GPC6: variants seen among roughly 807,000 people sequenced by gnomAD.
GPC6 encodes glypican 6.
Under a neutral mutation model 55.2 loss-of-function variants are expected in GPC6, and 14 were observed. The observed-to-expected ratio is 0.25, with a 90% CI of 0.17 to 0.40. GPC6 has a LOEUF of 0.40. Ranked by LOEUF, GPC6 falls within the 10% of genes least tolerant of loss-of-function variation. The pLI is 1.00. For synonymous variants in GPC6, 278 were observed against 259.6 expected, an observed-to-expected ratio of 1.07 and a Z score of -0.68; for missense variants, 641 against 708.5, an observed-to-expected ratio of 0.90 and a Z score of 1.08.
intron 1 of GPC6, among the ~76,000 whole-genome samples, chr13:93,396,170 T>TA (rs2139225148): frequency 6.6e-6 from 1 of 152,312 alleles, no homozygotes; most frequent in African/African-American, 2.4e-5. Context: ...TTTTTAGTAA[T>TA]AAAACATGTG....
At chr13:93,591,414 A>C (rs1000788097) in intron 2 of GPC6, among the ~76,000 whole-genome samples, 1 of 150,472 alleles carries the variant, frequency 6.6e-6, no homozygotes. Flanking sequence ...CAGTGAATCG[A>C]GATCGCGCCA....
chr13:93,945,271 A>C (rs145536890), intron 3 of GPC6, among the ~76,000 whole-genome samples: 1 of 152,236 alleles, frequency 6.6e-6, no homozygotes, highest in Non-Finnish European at 1.5e-5. Flanking sequence ...AATATAGTCA[A>C]TTGATTGTCA....
At chr13:93,504,781 T>C (rs1427775957) in intron 1 of GPC6, among the ~76,000 whole-genome samples, 2 of 152,160 alleles carry the variant, frequency 1.3e-5, no homozygotes, top group African/African-American at 4.8e-5. Context: ...TCCTACTATC[T>C]GCCATTCACA....
At chr13:93,898,940 A>AATATATATATATATATATATATATATAT (rs66531953) in intron 3 of GPC6, among the ~76,000 whole-genome samples, 4 of 136,656 alleles carry the variant, frequency 2.9e-5, no homozygotes, top group African/African-American at 8.1e-5. Context: ...ATTATATATA[A>AATATATATATATATATATATATATATAT]ATATATATAT....
intron 2 of GPC6, among the ~76,000 whole-genome samples, chr13:93,551,030 C>T (rs1438331455): frequency 3.3e-5 from 5 of 152,094 alleles, no homozygotes; most frequent in African/African-American, 1.2e-4. Flanking sequence ...GGAAAGTTTT[C>T]TATGTAGTGG....
At chr13:93,419,904 T>G (rs1310918751) in intron 1 of GPC6, among the ~76,000 whole-genome samples, 6 of 152,144 alleles carry the variant, frequency 3.9e-5, no homozygotes, top group Non-Finnish European at 7.3e-5. Context: ...TCTATTATAT[T>G]GGGAGGGAAA....
At chr13:93,357,870 C>G (rs777361616) in intron 1 of GPC6, among the ~76,000 whole-genome samples, 12 of 152,054 alleles carry the variant, frequency 7.9e-5, no homozygotes, top group Non-Finnish European at 1.8e-4. Flanking sequence ...TCTGGTTACA[C>G]TAGAATATGG....
intron 2 of GPC6, among the ~76,000 whole-genome samples, chr13:93,699,061 T>A (rs1045010073): frequency 6.6e-6 from 1 of 152,066 alleles, no homozygotes; most frequent in African/African-American, 2.4e-5. Flanking sequence ...CCATGAGAAT[T>A]GACTGTTCAG....
chr13:94,133,209 G>A (rs573737180), intron 4 of GPC6, among the ~76,000 whole-genome samples: 7 of 137,876 alleles, frequency 5.1e-5, no homozygotes, highest in South Asian at 4.6e-4. Context: ...ACTCTGTCTC[G>A]ATTCCCATGT....
intron 3 of GPC6, among the ~76,000 whole-genome samples, chr13:93,847,485 A>G (rs76856823): frequency 1.3e-5 from 2 of 152,124 alleles, no homozygotes; most frequent in African/African-American, 4.8e-5. Flanking sequence ...TGGGTAAAGA[A>G]GGTTCTTTTC....
At chr13:93,511,289 C>T (rs943668558) in intron 1 of GPC6, among the ~76,000 whole-genome samples, 1 of 151,266 alleles carries the variant, frequency 6.6e-6, no homozygotes, top group Non-Finnish European at 1.5e-5. Context: ...GAGGGGTTTC[C>T]TTAGGTTTTC....
chr13:93,947,658 A>G (rs1879071498), intron 3 of GPC6, among the ~76,000 whole-genome samples: 1 of 152,104 alleles, frequency 6.6e-6, no homozygotes, highest in African/African-American at 2.4e-5. Context: ...ACAATCAAAG[A>G]CATATATGGG....
intron 4 of GPC6, among the ~76,000 whole-genome samples, chr13:94,183,209 C>T (rs1017126742): frequency 1.3e-5 from 2 of 152,170 alleles, no homozygotes; most frequent in East Asian, 3.8e-4. Flanking sequence ...CAATAATTCG[C>T]CTTTCTTACT....
chr13:94,310,476 A>G (rs1349159542), intron 6 of GPC6, among the ~76,000 whole-genome samples: 3 of 152,192 alleles, frequency 2.0e-5, no homozygotes, highest in African/African-American at 4.8e-5. Context: ...GTTCTGTGCT[A>G]TTATGTATAG....
At chr13:93,449,916 TG>T (rs1182863094) in intron 1 of GPC6, among the ~76,000 whole-genome samples, 1 of 148,004 alleles carries the variant, frequency 6.8e-6, no homozygotes, top group African/African-American at 2.5e-5. Context: ...CACTTAATCA[TG>T]TTCCACTCTT....
chr13:93,587,336 T>A (rs1877251922), intron 2 of GPC6, among the ~76,000 whole-genome samples: 1 of 152,156 alleles, frequency 6.6e-6, no homozygotes, highest in Admixed American at 6.6e-5. Flanking sequence ...ACATATACAC[T>A]ATAAGCATGT....
chr13:93,310,432 C>G (rs1455884252), intron 1 of GPC6, among the ~76,000 whole-genome samples: 1 of 152,176 alleles, frequency 6.6e-6, no homozygotes, highest in Non-Finnish European at 1.5e-5. Flanking sequence ...AAACCAGAAT[C>G]ACCCTCAGGA....
rs149654809 is a variant in GPC6, at chr13:94,403,047, G to A, written c.1498G>A (p.Gly500Arg). ...DESSGSGSGS[G>R]CMDDVCPTEF... ...ATCCAGTGGCTCAGGGAGTGGCAGT[G>A]GGTGCATGGATGACGTGTGTCCCAC... The change falls in exon 9 of 9, where the codon GGG becomes AGG. Residue 500 changes from glycine to arginine, a missense_variant. By Grantham distance (125) the Gly-to-Arg change is moderately radical. Coordinates refer to ENST00000377047, the MANE Select transcript of GPC6 (RefSeq NM_005708.5). 4 of 1,613,410 alleles carry A rather than the reference G, an allele frequency of 2.5e-6. No homozygotes were observed. The African/African-American group carries it at 5.3e-5, about 22-fold the overall frequency.
intron 5 of GPC6, among the ~76,000 whole-genome samples, 200 bp downstream of exon 5, chr13:94,286,679 C>T (rs1892540285): frequency 6.6e-6 from 1 of 152,148 alleles, no homozygotes; most frequent in Admixed American, 6.5e-5. Flanking sequence ...AATTTTTTAG[C>T]TTGCAACTAC....
Sources: gnomAD v4.1 joint callset for allele counts (sites outside exome capture counted in the v4.1 genomes callset) on GRCh38, gnomAD v4.1.1 for gene constraint, MANE v1.5 for transcripts, NCBI Gene and HGNC (gene_info 2026-07-23, HGNC 2026-07-21) for gene names.